IPO8: variants seen among roughly 807,000 people sequenced by gnomAD.
IPO8 encodes importin 8.
IPO8 carries 65 observed loss-of-function variants against 141.2 expected under a neutral mutation model. That is an observed-to-expected ratio of 0.46 (90% CI 0.38 to 0.57). The LOEUF is 0.57. IPO8 is among the 20% of genes least tolerant of loss of function. IPO8 has a pLI of 0.00. For synonymous variants in IPO8, 411 were observed against 420.3 expected (o/e 0.98, Z 0.27); for missense variants, 980 against 1,246.8 (o/e 0.79, Z 3.22).
At chr12:30,690,735 A>C in intron 1 of IPO8, among the ~76,000 whole-genome samples, 158 bp from the exon 2 acceptor site, 1 of 152,226 alleles carries the variant, frequency 6.6e-6, no homozygotes, top group East Asian at 1.9e-4. Context: ...AAAATACTTC[A>C]AGTCAAAAAA....
At chr12:30,684,114 A>T (rs1045140968) in intron 3 of IPO8, among the ~76,000 whole-genome samples, 187 bp downstream of exon 3, 3 of 152,208 alleles carry the variant, frequency 2.0e-5, no homozygotes, top group African/African-American at 7.2e-5. Context: ...TTTCCAAAAT[A>T]TCTTGAGGCA....
chr12:30,630,609 T>A lies in IPO8; in HGVS notation c.*251A>T. 1 of 458,528 alleles carries A rather than the reference T, an allele frequency of 2.2e-6. No homozygotes were observed. The allele number at this position is 458,528 out of a possible 1,614,324, so 28.4% of individuals were successfully genotyped here. ...TTGGGCATTCAGCCTTTGGAACATA[T>A]GGGTTGTCCTTTTCCGTCCAATGAT... On this transcript the variant is annotated 3_prime_UTR_variant, in exon 25 of 25. Transcript: ENST00000256079.
At chr12:30,640,203 T>A (rs1321811048) in intron 20 of IPO8, among the ~76,000 whole-genome samples, 1 of 152,032 alleles carries the variant, frequency 6.6e-6, no homozygotes, top group Non-Finnish European at 1.5e-5. Flanking sequence ...AAAGAAAAAA[T>A]GGTGGAGCCT....
chr12:30,694,348 C>T (rs1411556670), intron 1 of IPO8, among the ~76,000 whole-genome samples: 1 of 152,200 alleles, frequency 6.6e-6, no homozygotes, highest in Non-Finnish European at 1.5e-5. Context: ...ACCCAACCTC[C>T]TCTCCATTGG....
chr12:30,671,662 G>A (rs1341320377), intron 8 of IPO8, among the ~76,000 whole-genome samples: 1 of 121,744 alleles, frequency 8.2e-6, no homozygotes, highest in African/African-American at 3.2e-5. Context: ...GTGATAGAGC[G>A]AGACTCTGCC....
intron 1 of IPO8, among the ~76,000 whole-genome samples, chr12:30,694,259 G>A (rs1419787126): frequency 8.5e-5 from 13 of 152,178 alleles, no homozygotes; most frequent in Non-Finnish European, 4.4e-5. Flanking sequence ...GACAGGTACT[G>A]ACTTTAACTT....
Position 30,669,292 on chromosome 12 carries a change from G to GAAAA in IPO8, c.1045-14_1045-11dup. On this transcript the variant is annotated splice_polypyrimidine_tract_variant and intron_variant, in intron 9 of 24. Coordinates refer to ENST00000256079, the MANE Select transcript of IPO8 (RefSeq NM_006390.4). ...CATCTTCAGAGATATTCTAAAATGAGAAAAAAAAAAAAACGTAACAAATGG... is the reference window on the plus strand; with the variant it reads ...CATCTTCAGAGATATTCTAAAATGAGAAAAAAAAAAAAAAAAACGTAACAAATGG... 3 of 899,852 alleles carry GAAAA rather than the reference G, an allele frequency of 3.3e-6. No individual in the cohort carries two copies. The highest frequency in any genetic ancestry group is 3.7e-5 in the South Asian group (2 of 54,062). 55.7% of individuals were successfully genotyped at this position (899,852 alleles called of 1,614,324 possible). A position where few individuals can be genotyped will look rare whatever the true frequency, so the allele number is the denominator to read the frequency against.
At chr12:30,650,536 T>C (rs1001872274) in intron 19 of IPO8, among the ~76,000 whole-genome samples, 2 of 152,094 alleles carry the variant, frequency 1.3e-5, no homozygotes, top group African/African-American at 4.8e-5. Flanking sequence ...GGAACCAGGC[T>C]GCTTAGGTTC....
intron 14 of IPO8, among the ~76,000 whole-genome samples, chr12:30,663,100 A>T (rs1025135653): frequency 1.3e-5 from 2 of 152,228 alleles, no homozygotes; most frequent in African/African-American, 4.8e-5. Flanking sequence ...TAGGGGAATC[A>T]GAATCCCAGA....
intron 20 of IPO8, among the ~76,000 whole-genome samples, chr12:30,642,762 G>A (rs1000248678): frequency 3.3e-5 from 5 of 151,948 alleles, no homozygotes; most frequent in African/African-American, 9.7e-5. Context: ...AGGCTAGGAC[G>A]AGACATCTAT....
rs1263217731 is a variant in IPO8, at chr12:30,631,897, G to A, written c.3014C>T (p.Ala1005Val). The A allele has an allele frequency of 1.9e-6, 3 of 1,605,574 alleles. No individual in the cohort carries two copies. The highest frequency in any genetic ancestry group is 1.7e-6 in the Non-Finnish European group (2 of 1,174,692). The change falls in exon 24 of 25, where the codon GCA becomes GTA. Residue 1005 changes from alanine to valine, a missense_variant and splice_region_variant. Transcript: ENST00000256079. Reference sequence around the variant, plus strand: ...CTCTGGAGGTTACTCTGGCTGACCTGCCACCGTCCGTCGGTGCTCTGCCAG... The same window carrying A: ...CTCTGGAGGTTACTCTGGCTGACCTACCACCGTCCGTCGGTGCTCTGCCAG... ...YTLAEHRRTV[A>V]EAKKKIEQQG... is the part of the protein sequence containing the mutation.
At chr12:30,661,377 C>T (rs2052885355) in intron 15 of IPO8, 111 bp from the exon 16 acceptor site, 3 of 934,458 alleles carry the variant, frequency 3.2e-6, no homozygotes. Flanking sequence ...ATTGCTCAAA[C>T]TTTGAAGTCT....
rs775413184 is a variant in IPO8, at chr12:30,639,693, G to T, written c.2311C>A (p.Arg771=). The T allele has an allele frequency of 1.9e-6, 3 of 1,614,008 alleles. No homozygotes were observed. The highest frequency in any genetic ancestry group is 1.7e-5 in the Admixed American group (1 of 60,006). ...CGAAGCTCACTAGTTTTGACCCCTC[G>T]AGTTAATCTCTCCAAAACAAGTTGA... is the stretch of plus-strand genomic sequence containing the variant. ...FVQLVLERLT[R]GVKTSELRTM... Residue 771 remains arginine (R), a synonymous_variant, in exon 21 of 25, where the codon CGA becomes AGA. Transcript: ENST00000256079.
intron 20 of IPO8, among the ~76,000 whole-genome samples, chr12:30,642,541 A>C (rs2052588628): frequency 6.6e-6 from 1 of 152,018 alleles, no homozygotes; most frequent in African/African-American, 2.4e-5. Context: ...ATCCAATATC[A>C]ATGAATATAT....
chr12:30,688,936 C>T (rs2053266878), intron 2 of IPO8, among the ~76,000 whole-genome samples: 1 of 151,690 alleles, frequency 6.6e-6, no homozygotes, highest in African/African-American at 2.4e-5. Context: ...CTTCTATCAA[C>T]AATGAAAAAA....
At chr12:30,659,294 T>C (rs2052848133) in intron 16 of IPO8, among the ~76,000 whole-genome samples, 1 of 151,996 alleles carries the variant, frequency 6.6e-6, no homozygotes, top group Non-Finnish European at 1.5e-5. Flanking sequence ...GTTCCAGGAC[T>C]GCCAGACCAA....
At chr12:30,689,964 T>TA (rs909676165) in intron 2 of IPO8, among the ~76,000 whole-genome samples, 23 of 152,072 alleles carry the variant, frequency 1.5e-4, no homozygotes, top group Admixed American at 7.2e-4. Context: ...GACCAGTCCA[T>TA]AAAAAAACAA....
chr12:30,648,532 A>G (rs1022102986), intron 20 of IPO8, among the ~76,000 whole-genome samples: 1 of 152,190 alleles, frequency 6.6e-6, no homozygotes, highest in Admixed American at 6.5e-5. Context: ...CTTTAAATGG[A>G]TGAAATGTAT....
intron 5 of IPO8, among the ~76,000 whole-genome samples, chr12:30,679,587 A>G (rs77629458): frequency 3.0e-5 from 1 of 33,168 alleles, no homozygotes; most frequent in Non-Finnish European, 6.6e-5. Context: ...GCTCTGGGGG[A>G]AAAAAAAAAA....
Sources: gnomAD v4.1 joint callset for allele counts (sites outside exome capture counted in the v4.1 genomes callset) on GRCh38, gnomAD v4.1.1 for gene constraint, MANE v1.5 for transcripts, NCBI Gene and HGNC (gene_info 2026-07-23, HGNC 2026-07-21) for gene names.